The following XPO5 variants were observed in gnomAD, a reference collection of about 807,000 sequenced individuals.
XPO5 encodes the protein exportin-5.
A neutral mutation model predicts 160.6 loss-of-function variants in XPO5; 46 were observed. The observed-to-expected ratio is 0.29, with a 90% CI of 0.23 to 0.37. The LOEUF is 0.37. Ranked by LOEUF, XPO5 falls within the 10% of genes least tolerant of loss-of-function variation. The pLI is 1.00. For synonymous variants in XPO5, 537 were observed against 519.3 expected, an observed-to-expected ratio of 1.03 and a Z score of -0.46; for missense variants, 1,090 against 1,463.9, an observed-to-expected ratio of 0.74 and a Z score of 4.17.
intron 28 of XPO5, 183 bp downstream of exon 28, chr6:43,525,656 G>A (rs1166739798): frequency 8.1e-6 from 5 of 620,704 alleles, no homozygotes; most frequent in East Asian, 2.8e-5. Flanking sequence ...GCCTATGCTG[G>A]TATGGGAGAC....
At chr6:43,553,584 G>C (rs1795364963) in intron 13 of XPO5, 81 bp from the exon 14 acceptor site, 1 of 1,495,070 alleles carries the variant, frequency 6.7e-7, no homozygotes, top group Non-Finnish European at 8.9e-7. Context: ...AAGACACAGA[G>C]AGACAATGGA....
intron 19 of XPO5, 63 bp downstream of exon 19, chr6:43,547,545 A>G: frequency 6.6e-7 from 1 of 1,510,514 alleles, no homozygotes; most frequent in South Asian, 1.1e-5. Flanking sequence ...GAAACTTGAC[A>G]AAAGACAACA....
chr6:43,552,834 A>G (rs1217444486), intron 14 of XPO5, among the ~76,000 whole-genome samples: 1 of 152,210 alleles, frequency 6.6e-6, no homozygotes, highest in African/African-American at 2.4e-5. Flanking sequence ...GGTGGCGTAC[A>G]GTATTCTAAA....
At chr6:43,539,305 G>A (rs1794548664) in intron 20 of XPO5, 3 of 1,554,504 alleles carry the variant, frequency 1.9e-6, no homozygotes, top group East Asian at 2.2e-5. Flanking sequence ...CGTGGCCACT[G>A]TAGTCCCCGA....
Position 43,522,569 on chromosome 6 carries a change from C to A in XPO5, c.*1299G>T. ...ATCGCCTTCACGATCCACAGAAACC[C>A]AGAGCACCACACAGGAAGAGGGAGC... On this transcript the variant is annotated 3_prime_UTR_variant, in exon 32 of 32. Transcript: ENST00000265351. 1 of 291,902 alleles carries A rather than the reference C, an allele frequency of 3.4e-6. No individual in the cohort carries two copies. The highest frequency in any genetic ancestry group is 2.7e-5 in the South Asian group (1 of 36,430). 18.1% of individuals were successfully genotyped at this position (291,902 alleles called of 1,614,324 possible). A position where few individuals can be genotyped will look rare whatever the true frequency, so the allele number is the denominator to read the frequency against.
chr6:43,571,576 G>C (rs1302323982), intron 3 of XPO5, among the ~76,000 whole-genome samples: 3 of 152,168 alleles, frequency 2.0e-5, no homozygotes, highest in African/African-American at 7.2e-5. Flanking sequence ...AAGGTGGGAG[G>C]ATTGCTTGAG....
chr6:43,560,088 G>A, intron 11 of XPO5, 90 bp downstream of exon 11: 1 of 1,465,262 alleles, frequency 6.8e-7, no homozygotes, highest in Non-Finnish European at 9.2e-7. Context: ...CATAGAGCTG[G>A]GATTATAGGC....
At chr6:43,565,761 A>C (rs1561885353) in intron 7 of XPO5, 25 bp from the exon 8 acceptor site, 3 of 1,555,598 alleles carry the variant, frequency 1.9e-6, no homozygotes, top group Non-Finnish European at 2.6e-6. Context: ...AGGGAAACAT[A>C]GTCATATAAA....
chr6:43,566,151 G>A lies in XPO5; in HGVS notation c.835-415C>T, dbSNP rs147116389. Among the ~76,000 whole-genome samples the A allele has an allele frequency of 8.3e-3, 1,266 of 152,238 alleles. 10 individuals are homozygous for A. The highest frequency in any genetic ancestry group is 0.014 in the Non-Finnish European group (953 of 68,032). ...CTCACACCTGTAATCCTAGCACTTT[G>A]GGAGGTCAAAGCAGGTGGATCACTT... On this transcript the variant is annotated intron_variant, in intron 7 of 31. Transcript: ENST00000265351.
chr6:43,534,719 T>C (rs192476352), intron 20 of XPO5, among the ~76,000 whole-genome samples: 110 of 152,302 alleles, frequency 7.2e-4, no homozygotes, highest in African/African-American at 2.6e-3. Flanking sequence ...CATTCTAGGC[T>C]GGGCTCGGTG....
chr6:43,574,088 C>T (rs1763161215), intron 1 of XPO5, among the ~76,000 whole-genome samples: 1 of 151,884 alleles, frequency 6.6e-6, no homozygotes, highest in South Asian at 2.1e-4. Flanking sequence ...CCTTGGCCTC[C>T]CAAAGTGCTG....
chr6:43,563,765 A>C (rs1332820779), intron 8 of XPO5, among the ~76,000 whole-genome samples: 1 of 152,196 alleles, frequency 6.6e-6, no homozygotes, highest in African/African-American at 2.4e-5. Flanking sequence ...TAAATGATAA[A>C]AGATGGTATA....
intron 31 of XPO5, 79 bp downstream of exon 31, chr6:43,524,392 A>G (rs1402376479): frequency 2.6e-6 from 4 of 1,520,622 alleles, no homozygotes; most frequent in Admixed American, 4.6e-5. Flanking sequence ...ATGGTCAATA[A>G]CTACAGCTGG....
Position 43,553,522 on chromosome 6 carries a change from C to CACAT in XPO5, c.1442-23_1442-20dup, listed in dbSNP as rs759094901. On this transcript the variant is annotated intron_variant, in intron 13 of 31. Coordinates refer to ENST00000265351, the MANE Select transcript of XPO5 (RefSeq NM_020750.3). The stretch of plus-strand genomic sequence containing the variant: ...GAACAAGCTTTAAAACACACACACA[C>CACAT]ACATACACACACACACACACACACA... 1 of 1,541,330 alleles carries CACAT rather than the reference C, an allele frequency of 6.5e-7. No homozygotes were observed. The highest frequency in any genetic ancestry group is 1.2e-5 in the South Asian group (1 of 83,708).
In XPO5 at chr6:43,568,843, T is replaced by C. The variant is rs556951718; in HGVS notation, c.622-106A>G. 4.0e-6 allele frequency: 4 copies of C among 1,009,426 alleles called. No individual in the cohort carries two copies. In the African/African-American group the frequency reaches 4.9e-5, roughly 12 times the overall value. The allele number at this position is 1,009,426 out of a possible 1,614,324, so 62.5% of individuals were successfully genotyped here. ...CCTTGAATAATGATTCTTAAATATA[T>C]GCAATTTTTCATCTTGGAAAATAAC... On this transcript the variant is annotated intron_variant, in intron 5 of 31. Transcript: ENST00000265351.
At chr6:43,536,391 C>T (rs940238725) in intron 20 of XPO5, among the ~76,000 whole-genome samples, 1 of 142,334 alleles carries the variant, frequency 7.0e-6, no homozygotes, top group African/African-American at 2.6e-5. Flanking sequence ...CTCCAGCCTG[C>T]GCAACACAGT....
At chr6:43,550,117 C>G (rs1795157644) in intron 15 of XPO5, among the ~76,000 whole-genome samples, 183 bp from the exon 16 acceptor site, 1 of 152,176 alleles carries the variant, frequency 6.6e-6, no homozygotes, top group Admixed American at 6.6e-5. Context: ...ATAACCTCTA[C>G]AAGAGTCATC....
rs1251385147 is a variant in XPO5 at position 43,575,999 on chromosome 6, T to C, written c.-135A>G. The stretch of plus-strand genomic sequence containing the variant: ...GGGTGGGAAGCTGGAGGAGGAGCGT[T>C]AGCAGCAACTCGCGCTGGGAAGAAG... On this transcript the variant is annotated 5_prime_UTR_variant, in exon 1 of 32. Transcript: ENST00000265351. 6 of 740,912 alleles carry C rather than the reference T, an allele frequency of 8.1e-6. No individual in the cohort carries two copies. Among genetic ancestry groups the C allele is most frequent in the Middle Eastern group, 2.5e-4 (1 of 3,922 alleles). 45.9% of individuals were successfully genotyped at this position (740,912 alleles called of 1,614,324 possible). A position where few individuals can be genotyped will look rare whatever the true frequency, so the allele number is the denominator to read the frequency against.
intron 23 of XPO5, 190 bp from the exon 24 acceptor site, chr6:43,529,115 T>A (rs1793781968): frequency 2.7e-6 from 3 of 1,131,906 alleles, no homozygotes. Flanking sequence ...TTGAATTCCA[T>A]TATACTCTTA....
Sources: gnomAD v4.1 joint callset for allele counts (sites outside exome capture counted in the v4.1 genomes callset) on GRCh38, gnomAD v4.1.1 for gene constraint, MANE v1.5 for transcripts, NCBI Gene and HGNC (gene_info 2026-07-23, HGNC 2026-07-21) for gene names.